Variants in SEC61A2 observed in about 807,000 individuals in gnomAD.
The protein encoded by SEC61A2 is SEC61 translocon subunit alpha 2.
In SEC61A2, 28 loss-of-function variants were observed where a neutral mutation model predicts 59.9. That is an observed-to-expected ratio of 0.47 (90% CI 0.35 to 0.64). The LOEUF (loss-of-function observed/expected upper bound fraction) is 0.64. Among genes scored for constraint, SEC61A2 ranks in the 30% least tolerant of loss-of-function variants. The probability of loss-of-function intolerance (pLI) is 0.01; values close to 1 mark genes in which losing one functional copy is unlikely to be tolerated. For synonymous variants in SEC61A2, 202 were observed against 214.4 expected (o/e 0.94, Z 0.50); for missense variants, 340 against 585.9 (o/e 0.58, Z 4.33).
intron 8 of SEC61A2, among the ~76,000 whole-genome samples, chr10:12,157,542 C>T (rs1258874522): frequency 1.5e-5 from 2 of 130,240 alleles, no homozygotes; most frequent in Non-Finnish European, 3.1e-5. Context: ...CTTGCTCTGT[C>T]GCCAGGCTGG....
rs969561442 is a variant in SEC61A2, at chr10:12,162,907, C to T, written c.1244+618C>T. ...ATAATGTATGTTATTTTGTAAGTGG[C>T]TTCTTTCACTTGGCATCATGTTTTC... is the stretch of plus-strand genomic sequence containing the variant. On this transcript the variant is annotated intron_variant, in intron 11 of 11. Coordinates refer to ENST00000298428, the MANE Select transcript of SEC61A2 (RefSeq NM_018144.4). The surrounding 1 kb of genome is among the most constrained non-coding windows in gnomAD (Gnocchi z 6.1). 7.9e-5 allele frequency among the ~76,000 whole-genome samples: 12 copies of T among 152,124 alleles called. No homozygotes were observed. The highest frequency in any genetic ancestry group is 2.9e-4 in the African/African-American group (12 of 41,430).
downstream of SEC61A2, chr10:12,167,048 C>T (rs919609666): frequency 2.3e-5 from 4 of 177,670 alleles, no homozygotes; most frequent in East Asian, 3.4e-4. Context: ...CAGATGCTTG[C>T]GGGATGGACC....
intron 1 of SEC61A2, chr10:12,130,798 A>AT: frequency 6.5e-6 from 1 of 153,766 alleles, no homozygotes; most frequent in African/African-American, 2.4e-5. Context: ...CTTCTCAAAA[A>AT]CCGCAGTTAC....
chr10:12,155,359 A>G lies in SEC61A2; in HGVS notation c.463-419A>G. ...TCCTTTGATGGCAGTGTACATTTCC[A>G]TCTTGCTATTATACCAGAATTCATC... On this transcript the variant is annotated intron_variant, in intron 6 of 11. Transcript: ENST00000298428. This position sits in a 1 kb window ranked among gnomAD's most constrained non-coding sequence, Gnocchi z 4.3. 1.9e-6 allele frequency: 3 copies of G among 1,579,202 alleles called. No individual in the cohort carries two copies. The highest frequency in any genetic ancestry group is 2.6e-6 in the Non-Finnish European group (3 of 1,165,988).
chr10:12,146,876 T>A (rs1834152852), intron 4 of SEC61A2, among the ~76,000 whole-genome samples: 1 of 151,738 alleles, frequency 6.6e-6, no homozygotes, highest in Admixed American at 6.6e-5. Flanking sequence ...GATAAGAACT[T>A]TTTGTCATTT....
intron 1 of SEC61A2, among the ~76,000 whole-genome samples, chr10:12,132,483 A>C (rs1396702811): frequency 2.0e-5 from 3 of 147,986 alleles, no homozygotes. Flanking sequence ...GCTTGGTGGC[A>C]CTCGCCTGTA....
At chr10:12,139,227 G>T (rs1833953713) in intron 3 of SEC61A2, among the ~76,000 whole-genome samples, 1 of 151,628 alleles carries the variant, frequency 6.6e-6, no homozygotes, top group South Asian at 2.1e-4. Flanking sequence ...CTCCCAAAGT[G>T]CTGGGATTAC....
intron 3 of SEC61A2, among the ~76,000 whole-genome samples, chr10:12,138,598 C>G (rs1192556754): frequency 6.6e-6 from 1 of 152,196 alleles, no homozygotes; most frequent in Non-Finnish European, 1.5e-5. Context: ...TTTGTTTTTT[C>G]TAGAGCTTCA....
intron 3 of SEC61A2, among the ~76,000 whole-genome samples, chr10:12,140,498 A>G (rs1226215455): frequency 6.6e-6 from 1 of 152,216 alleles, no homozygotes; most frequent in Non-Finnish European, 1.5e-5. Flanking sequence ...GCAGGAAAGG[A>G]GGGTATACCA....
At chr10:12,151,414 C>T (rs1392528724) in intron 6 of SEC61A2, among the ~76,000 whole-genome samples, 1 of 150,052 alleles carries the variant, frequency 6.7e-6, no homozygotes, top group African/African-American at 2.5e-5. Context: ...TGGTTTCAAG[C>T]GATTTTCCTG....
rs923135939 is a variant in SEC61A2, at chr10:12,152,813, G to A, written c.462+2852G>A. Among the ~76,000 whole-genome samples the A allele has an allele frequency of 6.6e-6, 1 of 151,690 alleles. No individual in the cohort carries two copies. Among genetic ancestry groups the A allele is most frequent in the African/African-American group, 2.4e-5 (1 of 41,400 alleles). On this transcript the variant is annotated intron_variant, in intron 6 of 11. Coordinates refer to ENST00000298428, the MANE Select transcript of SEC61A2 (RefSeq NM_018144.4). This position sits in a 1 kb window ranked among gnomAD's most constrained non-coding sequence, Gnocchi z 5.5. ...GAGGCTGAGGCCGAACCCAGGAGGCGGAGGTTGCAGTGAGCTGAGATTGCA... is the reference window on the plus strand; with the variant it reads ...GAGGCTGAGGCCGAACCCAGGAGGCAGAGGTTGCAGTGAGCTGAGATTGCA...
chr10:12,161,158 C>A lies in SEC61A2; in HGVS notation c.1167+37C>A. 1.3e-6 allele frequency: 2 copies of A among 1,507,842 alleles called. No individual in the cohort carries two copies. The highest frequency in any genetic ancestry group is 9.1e-7 in the Non-Finnish European group (1 of 1,102,198). The allele number at this position is 1,507,842 out of a possible 1,614,324, so 93.4% of individuals were successfully genotyped here. ...GTTTATTTTAAAATAAAACTCTTGG[C>A]AATGCATGGTGGCGCACATCTGTAA... On this transcript the variant is annotated intron_variant, in intron 10 of 11. Coordinates refer to ENST00000298428, the MANE Select transcript of SEC61A2 (RefSeq NM_018144.4). This position sits in a 1 kb window ranked among gnomAD's most constrained non-coding sequence, Gnocchi z 5.4.
At position 12,155,180 on chromosome 10, in the gene SEC61A2, T is replaced by C. The variant is rs1441142364; in HGVS notation, c.463-598T>C. ...AATTTACATTCAATCTTTGTCACTA[T>C]GTGTATAGAATGCATTTTTACATTG... On this transcript the variant is annotated intron_variant, in intron 6 of 11. Coordinates refer to ENST00000298428, the MANE Select transcript of SEC61A2 (RefSeq NM_018144.4). The surrounding 1 kb of genome is among the most constrained non-coding windows in gnomAD (Gnocchi z 4.3). 2 of 470,994 alleles carry C rather than the reference T, an allele frequency of 4.2e-6. No individual in the cohort carries two copies. Among genetic ancestry groups the C allele is most frequent in the Non-Finnish European group, 6.8e-6 (2 of 294,520 alleles). The allele number at this position is 470,994 out of a possible 1,614,324, so 29.2% of individuals were successfully genotyped here.
chr10:12,147,354 C>G (rs1232981730), intron 4 of SEC61A2, among the ~76,000 whole-genome samples: 1 of 152,180 alleles, frequency 6.6e-6, no homozygotes, highest in East Asian at 1.9e-4. Flanking sequence ...ATATTTCCTT[C>G]TAGTATTTTT....
rs1834046695 is a variant in SEC61A2, at chr10:12,142,643, AT to A, written c.142-469del. 3.0e-6 allele frequency: 1 copy of A among 331,346 alleles called. No individual in the cohort carries two copies. Among genetic ancestry groups the A allele is most frequent in the Non-Finnish European group, 4.3e-6 (1 of 232,132 alleles). The allele number at this position is 331,346 out of a possible 1,614,324, so 20.5% of individuals were successfully genotyped here. Reference sequence around the variant, plus strand: ...GTATAGAAAATATGCCATCTTCATCATTTTTAGATGTGCAGTTTAGTAACAT... The same window carrying A: ...GTATAGAAAATATGCCATCTTCATCATTTTAGATGTGCAGTTTAGTAACAT... On this transcript the variant is annotated intron_variant, in intron 3 of 11. Coordinates refer to ENST00000298428, the MANE Select transcript of SEC61A2 (RefSeq NM_018144.4). This position sits in a 1 kb window ranked among gnomAD's most constrained non-coding sequence, Gnocchi z 5.4.
At chr10:12,135,199 G>T (rs777282915) in intron 2 of SEC61A2, among the ~76,000 whole-genome samples, 5 of 152,036 alleles carry the variant, frequency 3.3e-5, no homozygotes, top group Non-Finnish European at 7.4e-5. Flanking sequence ...ACTAATGCAT[G>T]CGGGGCTTAA....
downstream of SEC61A2, chr10:12,169,189 C>G: frequency 9.7e-7 from 1 of 1,027,708 alleles, no homozygotes; most frequent in Non-Finnish European, 1.4e-6. This position sits in a 1 kb window ranked among gnomAD's most constrained non-coding sequence, Gnocchi z 4.8. Context: ...TACCCCTCCT[C>G]CTTTATAGCC....
At chr10:12,148,608 T>C (rs1289177091) in intron 4 of SEC61A2, among the ~76,000 whole-genome samples, 1 of 151,366 alleles carries the variant, frequency 6.6e-6, no homozygotes, top group Non-Finnish European at 1.5e-5. Context: ...GGTGCGATCT[T>C]GGTTCACTGC....
intron 3 of SEC61A2, 109 bp downstream of exon 3, chr10:12,136,279 A>G (rs951009829): frequency 4.6e-6 from 3 of 649,582 alleles, no homozygotes; most frequent in African/African-American, 3.7e-5. Flanking sequence ...TGAGCTCAAT[A>G]TATTGAGCAT....
Sources: gnomAD v4.1 joint callset for allele counts (sites outside exome capture counted in the v4.1 genomes callset) on GRCh38, gnomAD v4.1.1 for gene constraint, Gnocchi (gnomAD v3.1) non-coding constraint, MANE v1.5 for transcripts, NCBI Gene and HGNC (gene_info 2026-07-23, HGNC 2026-07-21) for gene names.